The following TTBK2 variants were observed in gnomAD, a reference collection of about 807,000 sequenced individuals.
The protein encoded by TTBK2 is tau-tubulin kinase 2.
A neutral mutation model predicts 110.8 loss-of-function variants in TTBK2; 28 were observed. The observed-to-expected ratio is 0.25, with a 90% CI of 0.19 to 0.35. The LOEUF is 0.35. Among genes scored for constraint, TTBK2 ranks in the 10% least tolerant of loss-of-function variants. The probability of loss-of-function intolerance (pLI) is 1.00; values close to 1 mark genes in which losing one functional copy is unlikely to be tolerated. For synonymous variants in TTBK2, 532 were observed against 527.3 expected (o/e 1.01, Z -0.12); for missense variants, 1,369 against 1,500.3 (o/e 0.91, Z 1.45).
intron 1 of TTBK2, among the ~76,000 whole-genome samples, chr15:42,879,996 C>CAAA (rs71108186): frequency 1.3e-5 from 1 of 74,436 alleles, no homozygotes; most frequent in African/African-American, 5.0e-5. Flanking sequence ...GATCCTGTCT[C>CAAA]AAAAAAAAAA....
chr15:42,747,661 G>A lies in TTBK2; in HGVS notation c.3273-1404C>T, dbSNP rs149694556. 1.2e-4 allele frequency among the ~76,000 whole-genome samples: 19 copies of A among 152,338 alleles called. No individual in the cohort carries two copies. In the East Asian group the frequency reaches 3.7e-3, roughly 29 times the overall value. On this transcript the variant is annotated intron_variant, in intron 14 of 14. Coordinates refer to ENST00000267890, the MANE Select transcript of TTBK2 (RefSeq NM_173500.4). ...CTCAGGCGGTAATGCCTCCTGCCGT[G>A]CAGCCCTGGGGTGGGGAGGGCCTGC...
In TTBK2 at chr15:42,862,011, A is replaced by T. The variant is rs1894176818; in HGVS notation, c.217+10600T>A. On this transcript the variant is annotated intron_variant, in intron 3 of 14. Coordinates refer to ENST00000267890, the MANE Select transcript of TTBK2 (RefSeq NM_173500.4). ...AGGACATGGATACATTCCTGGAAAC[A>T]CACAAACTCCTAATATTAAACCAGG... 2.0e-5 allele frequency among the ~76,000 whole-genome samples: 3 copies of T among 152,190 alleles called. No homozygotes were observed. In the South Asian group the frequency reaches 6.2e-4, roughly 32 times the overall value.
chr15:42,800,137 C>T (rs1004424588), intron 9 of TTBK2: 4 of 352,462 alleles, frequency 1.1e-5, no homozygotes, highest in African/African-American at 8.9e-5. Context: ...ATTACTATGT[C>T]AGGATAATGA....
chr15:42,888,283 C>T (rs966385626), intron 1 of TTBK2, among the ~76,000 whole-genome samples: 3 of 152,098 alleles, frequency 2.0e-5, no homozygotes, highest in African/African-American at 4.8e-5. Context: ...ACTCACACTT[C>T]GTTGAGTCTC....
chr15:42,854,891 A>G (rs968016527), intron 3 of TTBK2, among the ~76,000 whole-genome samples: 7 of 152,218 alleles, frequency 4.6e-5, no homozygotes, highest in Non-Finnish European at 8.8e-5. Flanking sequence ...TATGAAGTAA[A>G]TAACCAGAAA....
At chr15:42,785,939 G>A (rs1263110690) in intron 10 of TTBK2, among the ~76,000 whole-genome samples, 2 of 152,060 alleles carry the variant, frequency 1.3e-5, no homozygotes, top group African/African-American at 4.8e-5. Flanking sequence ...CCTGGCACTG[G>A]TGTCACGAGT....
intron 3 of TTBK2, 74 bp downstream of exon 3, chr15:42,872,537 A>G: frequency 6.5e-7 from 1 of 1,532,838 alleles, no homozygotes; most frequent in Non-Finnish European, 8.9e-7. Flanking sequence ...GAATGTAATT[A>G]AGGTTCAGGA....
chr15:42,793,900 A>G (rs1403594752), intron 10 of TTBK2, among the ~76,000 whole-genome samples: 1 of 152,048 alleles, frequency 6.6e-6, no homozygotes, highest in Admixed American at 6.6e-5. Context: ...CTTAAATTGT[A>G]TGATAATTTG....
At chr15:42,855,633 G>A (rs1273401116) in intron 3 of TTBK2, among the ~76,000 whole-genome samples, 2 of 152,106 alleles carry the variant, frequency 1.3e-5, no homozygotes, top group African/African-American at 2.4e-5. Context: ...TACTCAAAAC[G>A]AAAAACAAAT....
chr15:42,813,828 G>A (rs919557822), intron 7 of TTBK2, among the ~76,000 whole-genome samples: 1 of 151,420 alleles, frequency 6.6e-6, no homozygotes, highest in African/African-American at 2.4e-5. Context: ...CCTGGGCGAA[G>A]GAGGGCGAGA....
chr15:42,842,643 TGGGAAGCTAAGGTG>T (rs1423287174), intron 3 of TTBK2, among the ~76,000 whole-genome samples: 2 of 151,630 alleles, frequency 1.3e-5, no homozygotes, highest in African/African-American at 4.8e-5. Context: ...CCCAGCTACT[TGGGAAGCTAAGGTG>T]GGAGGATTGC....
chr15:42,881,109 C>A (rs766396379), intron 1 of TTBK2, among the ~76,000 whole-genome samples: 1 of 151,486 alleles, frequency 6.6e-6, no homozygotes. Flanking sequence ...TGGCAAGACC[C>A]TGTCTCTACT....
chr15:42,816,112 A>ATATATATG (rs1290833278), intron 7 of TTBK2, among the ~76,000 whole-genome samples: 1 of 122,940 alleles, frequency 8.1e-6, no homozygotes, highest in African/African-American at 3.5e-5. Flanking sequence ...ATATATATAT[A>ATATATATG]TATATATGTG....
intron 6 of TTBK2, among the ~76,000 whole-genome samples, chr15:42,822,683 A>C (rs1287889074): frequency 1.3e-5 from 2 of 152,256 alleles, no homozygotes; most frequent in African/African-American, 2.4e-5. Flanking sequence ...GGCTTATAAC[A>C]GTAGGTAATT....
chr15:42,819,261 G>T (rs1892184911), intron 6 of TTBK2, among the ~76,000 whole-genome samples: 2 of 150,768 alleles, frequency 1.3e-5, no homozygotes, highest in Non-Finnish European at 2.9e-5. Context: ...AAGGTCAAGA[G>T]ATCGACACCA....
Position 42,745,703 on chromosome 15 carries a change from C to T in TTBK2, c.*92G>A. ...ACTTTCTTTTGCAAGAGAAGATCAA[C>T]ACTGATTTTTTTACATAGAAAGTAC... On this transcript the variant is annotated 3_prime_UTR_variant, in exon 15 of 15. Transcript: ENST00000267890. 2 of 1,449,876 alleles carry T rather than the reference C, an allele frequency of 1.4e-6. No homozygotes were observed. Among genetic ancestry groups the T allele is most frequent in the South Asian group, 2.3e-5 (2 of 87,080 alleles). The allele number at this position is 1,449,876 out of a possible 1,614,324, so 89.8% of individuals were successfully genotyped here. A position where few individuals can be genotyped will look rare whatever the true frequency, so the allele number is the denominator to read the frequency against.
chr15:42,787,308 C>T (rs1474848824), intron 10 of TTBK2, among the ~76,000 whole-genome samples: 1 of 152,168 alleles, frequency 6.6e-6, no homozygotes, highest in Non-Finnish European at 1.5e-5. Flanking sequence ...GTCCTCTTAC[C>T]TTCTAAACTT....
Position 42,744,041 on chromosome 15 carries a change from A to G in TTBK2, c.*1754T>C, listed in dbSNP as rs987247177. On this transcript the variant is annotated 3_prime_UTR_variant, in exon 15 of 15. Transcript: ENST00000267890. ...ACATGCAAGTAGTGTTATAGCAACT[A>G]TTATACAATATAATACAGAAGGACT... 3 of 152,218 alleles carry G rather than the reference A, an allele frequency of 2.0e-5. No homozygotes were observed. The highest frequency in any genetic ancestry group is 1.9e-4 in the East Asian group (1 of 5,208). The allele number at this position is 152,218 out of a possible 1,614,324, so 9.4% of individuals were successfully genotyped here.
At chr15:42,830,991 C>T (rs540340234) in intron 4 of TTBK2, among the ~76,000 whole-genome samples, 4 of 145,652 alleles carry the variant, frequency 2.7e-5, no homozygotes, top group South Asian at 2.2e-4. Flanking sequence ...GGCAACAGAG[C>T]GAGACTCCAT....
Sources: allele counts gnomAD v4.1 joint callset (sites outside exome capture counted in the v4.1 genomes callset), GRCh38; gene constraint gnomAD v4.1.1; transcripts MANE v1.5; gene names NCBI Gene and HGNC (gene_info 2026-07-23, HGNC 2026-07-21).